CNTLN: variants seen among roughly 807,000 people sequenced by gnomAD.
The protein encoded by CNTLN is centlein, centrosomal protein.
Under a neutral mutation model 180.0 loss-of-function variants are expected in CNTLN, and 212 were observed. The ratio of observed to expected loss-of-function variants is 1.18; its 90% confidence interval spans 1.05 to 1.32. The LOEUF (loss-of-function observed/expected upper bound fraction) is 1.32. CNTLN is among the 40% of genes most tolerant of loss of function. The pLI, the probability that CNTLN is intolerant of heterozygous loss-of-function variation, is 0.00. For synonymous variants in CNTLN, 722 were observed against 563.1 expected (o/e 1.28, Z -3.99); for missense variants, 2,095 against 1,610.9 (o/e 1.30, Z -5.14).
chr9:17,419,533 T>C (rs574248299), intron 18 of CNTLN, among the ~76,000 whole-genome samples: 2 of 152,260 alleles, frequency 1.3e-5, no homozygotes, highest in South Asian at 4.1e-4. Context: ...GCTTCTCAGG[T>C]CATACACTAT....
chr9:17,301,220 A>G, intron 7 of CNTLN: 1 of 985,440 alleles, frequency 1.0e-6, no homozygotes, highest in Non-Finnish European at 1.2e-6. Context: ...CTAAATTGGG[A>G]GAAGTAGAGC....
At chr9:17,399,161 C>G (rs1445303726) in intron 15 of CNTLN, among the ~76,000 whole-genome samples, 1 of 152,192 alleles carries the variant, frequency 6.6e-6, no homozygotes, top group East Asian at 1.9e-4. Flanking sequence ...GCTATGTAAA[C>G]TGGAGTTCTA....
At position 17,487,024 on chromosome 9, in the gene CNTLN, C is replaced by G. The variant is rs548626596; in HGVS notation, c.4077C>G (p.Asp1359Glu). The G allele has an allele frequency of 1.4e-5, 22 of 1,581,932 alleles. No homozygotes were observed. Among genetic ancestry groups the G allele is most frequent in the Admixed American group, 8.0e-5 (4 of 49,834 alleles). The change falls in exon 25 of 26, where the codon GAC becomes GAG. Residue 1359 changes from aspartate (D) to glutamate (E), a missense_variant. Asp to Glu is a conservative substitution (Grantham distance 45). Coordinates refer to ENST00000380647, the MANE Select transcript of CNTLN (RefSeq NM_017738.4). ...AAACAAAAATTGATGCTGAAAATGACAAGGAATGGATGTTGTACATTCAGA... is the reference window on the plus strand; with the variant it reads ...AAACAAAAATTGATGCTGAAAATGAGAAGGAATGGATGTTGTACATTCAGA... ...IEKTKIDAEN[D>E]KEWMLYIQKL...
intron 7 of CNTLN, among the ~76,000 whole-genome samples, chr9:17,305,233 T>C (rs948770261): frequency 2.6e-5 from 4 of 152,136 alleles, no homozygotes; most frequent in African/African-American, 9.6e-5. Flanking sequence ...GAAAATAGCA[T>C]GAAGAATAGT....
chr9:17,365,291 C>A (rs1426335959), intron 12 of CNTLN, among the ~76,000 whole-genome samples: 1 of 152,180 alleles, frequency 6.6e-6, no homozygotes, highest in Non-Finnish European at 1.5e-5. Flanking sequence ...CCATGTAAGA[C>A]CTGCCTGCTT....
At chr9:17,238,174 C>T (rs1825270154) in intron 5 of CNTLN, among the ~76,000 whole-genome samples, 2 of 152,004 alleles carry the variant, frequency 1.3e-5, no homozygotes, top group South Asian at 4.2e-4. Context: ...ACTAATACTT[C>T]ATATCTTATA....
chr9:17,234,949 T>G (rs948078850), intron 3 of CNTLN, among the ~76,000 whole-genome samples: 2 of 152,076 alleles, frequency 1.3e-5, no homozygotes, highest in Non-Finnish European at 2.9e-5. Context: ...AATATGAGAT[T>G]GGTGATTGGG....
chr9:17,486,211 C>A (rs911708832), intron 24 of CNTLN, among the ~76,000 whole-genome samples: 1 of 152,148 alleles, frequency 6.6e-6, no homozygotes. Context: ...ATGTTCTTTA[C>A]ACTATATCGA....
intron 18 of CNTLN, among the ~76,000 whole-genome samples, chr9:17,443,584 T>G (rs1342127702): frequency 6.6e-6 from 1 of 152,214 alleles, no homozygotes; most frequent in Non-Finnish European, 1.5e-5. Context: ...TGATTATTTC[T>G]GGTGGATCAG....
the CNTLN span, among the ~76,000 whole-genome samples, chr9:17,512,133 T>A: frequency 6.6e-6 from 1 of 152,082 alleles, no homozygotes; most frequent in Non-Finnish European, 1.5e-5. Flanking sequence ...ATCTACAAAT[T>A]TAAAAGGCCA....
At position 17,366,630 on chromosome 9, in the gene CNTLN, GA is replaced by G. The variant is rs1823845733; in HGVS notation, c.1902del (p.Glu635AsnfsTer2). 1 of 1,515,170 alleles carries G rather than the reference GA, an allele frequency of 6.6e-7. No individual in the cohort carries two copies. The highest frequency in any genetic ancestry group is 9.1e-7 in the Non-Finnish European group (1 of 1,099,554). 93.9% of individuals were successfully genotyped at this position (1,515,170 alleles called of 1,614,324 possible). ...GCTTTTTCATAGGATGAATCTTGAAGAAGAATTAGATGAACTTAAAGTACAT... is the reference window on the plus strand; with the variant it reads ...GCTTTTTCATAGGATGAATCTTGAAGAGAATTAGATGAACTTAAAGTACAT... ...ELMIQKMNLE[E>X]ELDELKVHIS... On this transcript the variant is annotated frameshift_variant, in exon 13 of 26. Coordinates refer to ENST00000380647, the MANE Select transcript of CNTLN (RefSeq NM_017738.4). LOFTEE classifies it high-confidence loss of function.
chr9:17,192,678 G>A (rs1354981419), intron 2 of CNTLN, among the ~76,000 whole-genome samples: 1 of 152,176 alleles, frequency 6.6e-6, no homozygotes, highest in Admixed American at 6.5e-5. Context: ...AGAGCCCCTT[G>A]TTTGTAATAT....
At chr9:17,412,868 A>C (rs1040725945) in intron 16 of CNTLN, among the ~76,000 whole-genome samples, 1 of 152,244 alleles carries the variant, frequency 6.6e-6, no homozygotes, top group African/African-American at 2.4e-5. Flanking sequence ...GGCCTAAAAC[A>C]AAACAAAATA....
intron 18 of CNTLN, among the ~76,000 whole-genome samples, chr9:17,445,855 G>A (rs940866324): frequency 3.3e-5 from 5 of 152,162 alleles, no homozygotes; most frequent in African/African-American, 9.7e-5. Context: ...GAAGGCATCT[G>A]TCTCCTGCCT....
At chr9:17,308,311 A>G (rs186762011) in intron 7 of CNTLN, among the ~76,000 whole-genome samples, 78 of 152,154 alleles carry the variant, frequency 5.1e-4, no homozygotes, top group African/African-American at 1.7e-3. Context: ...TATTGCTTCT[A>G]TTTTTTCACA....
At chr9:17,448,103 C>T (rs189806072) in intron 18 of CNTLN, 73 of 187,344 alleles carry the variant, frequency 3.9e-4, no homozygotes, top group Admixed American at 1.4e-3. Context: ...AGTTTGAGGC[C>T]AAGTACCGTA....
chr9:17,363,924 A>T (rs1433203100), intron 12 of CNTLN, among the ~76,000 whole-genome samples: 2 of 152,060 alleles, frequency 1.3e-5, no homozygotes, highest in Non-Finnish European at 2.9e-5. Context: ...TTGGCATGTG[A>T]AAGATATTAA....
chr9:17,209,386 G>A (rs745324344), intron 2 of CNTLN, among the ~76,000 whole-genome samples: 24 of 152,164 alleles, frequency 1.6e-4, no homozygotes, highest in African/African-American at 3.6e-4. Flanking sequence ...AAAAGAATGC[G>A]TATTCTGGAC....
intron 25 of CNTLN, among the ~76,000 whole-genome samples, chr9:17,496,301 A>G (rs1833452436): frequency 1.3e-5 from 2 of 152,156 alleles, no homozygotes; most frequent in South Asian, 2.1e-4. Context: ...ACTGGGAAAC[A>G]TTTATTTTTC....
Sources: allele counts gnomAD v4.1 joint callset (sites outside exome capture counted in the v4.1 genomes callset), GRCh38; gene constraint gnomAD v4.1.1; transcripts MANE v1.5; gene names NCBI Gene and HGNC (gene_info 2026-07-23, HGNC 2026-07-21).